The following AXDND1 variants were observed in gnomAD, a reference collection of about 807,000 sequenced individuals.
AXDND1 encodes the protein axonemal dynein light chain domain-containing protein 1.
In AXDND1, 110 loss-of-function variants were observed where a neutral mutation model predicts 137.5. The observed-to-expected ratio is 0.80, with a 90% CI of 0.69 to 0.94. The LOEUF (loss-of-function observed/expected upper bound fraction) is 0.94, where lower values mean the gene tolerates loss of function less well. Among genes scored for constraint, AXDND1 ranks in the 40% least tolerant of loss-of-function variants. The probability of loss-of-function intolerance (pLI) is 0.00; values close to 1 mark genes in which losing one functional copy is unlikely to be tolerated. For synonymous variants in AXDND1, 414 were observed against 399.7 expected (o/e 1.04, Z -0.43); for missense variants, 1,191 against 1,169.8 (o/e 1.02, Z -0.26).
chr1:179,515,939 A>G (rs1438162573), intron 21 of AXDND1, among the ~76,000 whole-genome samples: 2 of 152,114 alleles, frequency 1.3e-5, no homozygotes, highest in Non-Finnish European at 1.5e-5. Flanking sequence ...ACAGATACAA[A>G]CCATTGTGTT....
chr1:179,378,659 G>C lies in AXDND1; in HGVS notation c.397G>C (p.Val133Leu). The change falls in exon 5 of 26, where the codon GTA becomes CTA. Residue 133 changes from valine (V) to leucine (L), a missense_variant. Val to Leu is a conservative substitution (Grantham distance 32). Coordinates refer to ENST00000367618, the MANE Select transcript of AXDND1 (RefSeq NM_144696.6). ...AGRDISFLYD[V>L]TYAKGQTREK... ...TAGGGATATTTCTTTTCTGTACGAT[G>C]TAACATATGCCAAAGGACAGACTAG... 6.3e-7 allele frequency: 1 copy of C among 1,589,618 alleles called. No individual in the cohort carries two copies. Among genetic ancestry groups the C allele is most frequent in the Non-Finnish European group, 8.6e-7 (1 of 1,166,548 alleles).
At chr1:179,417,429 A>G (rs145829309) in intron 12 of AXDND1, among the ~76,000 whole-genome samples, 1,533 of 152,254 alleles carry the variant, frequency 0.01, 18 homozygotes, top group Non-Finnish European at 0.018. Context: ...GCCCAAACCA[A>G]TGTCCTAGAG....
chr1:179,389,130 T>C (rs1175640280), intron 9 of AXDND1, among the ~76,000 whole-genome samples: 1 of 151,962 alleles, frequency 6.6e-6, no homozygotes, highest in East Asian at 1.9e-4. Context: ...TGCGCCACCA[T>C]GCCTGGCTAA....
chr1:179,414,516 CT>C (rs774383233), intron 12 of AXDND1, among the ~76,000 whole-genome samples: 4 of 152,084 alleles, frequency 2.6e-5, no homozygotes, highest in Non-Finnish European at 5.9e-5. Context: ...GCTCCGCCCC[CT>C]GGGGTTCACG....
At chr1:179,424,136 TGTTC>T (rs1322572933) in intron 12 of AXDND1, among the ~76,000 whole-genome samples, 9 of 137,388 alleles carry the variant, frequency 6.6e-5, no homozygotes, top group Admixed American at 6.4e-4. Context: ...AGCAGGGTTT[TGTTC>T]GTTTGTTTGT....
chr1:179,488,014 A>AAAAAAAAG lies in AXDND1; in HGVS notation c.2092-3523_2092-3522insAAAAAAGA, dbSNP rs1320560418. The stretch of plus-strand genomic sequence containing the variant: ...ATGTCTCAAAAAAAAAAAAAAAAAA[A>AAAAAAAAG]AGAGAAATTTCAATTCCGTCAATCA... On this transcript the variant is annotated intron_variant, in intron 18 of 25. Coordinates refer to ENST00000367618, the MANE Select transcript of AXDND1 (RefSeq NM_144696.6). Among the ~76,000 whole-genome samples, 43 of 130,214 alleles carry AAAAAAAAG rather than the reference A, an allele frequency of 3.3e-4. 1 individual carries two copies. Among genetic ancestry groups the AAAAAAAAG allele is most frequent in the Admixed American group, 4.6e-4 (6 of 13,022 alleles). 85.4% of individuals were successfully genotyped at this position (130,214 alleles called of 152,430 possible).
intron 18 of AXDND1, among the ~76,000 whole-genome samples, chr1:179,489,362 T>G (rs1666580656): frequency 6.6e-6 from 1 of 152,222 alleles, no homozygotes; most frequent in African/African-American, 2.4e-5. Context: ...ACTTTTAAAT[T>G]AAGATAATAA....
chr1:179,483,304 T>G (rs1665651484), intron 18 of AXDND1, 83 bp downstream of exon 18: 1 of 876,302 alleles, frequency 1.1e-6, no homozygotes, highest in East Asian at 2.8e-5. Flanking sequence ...TCTCCCTATT[T>G]AAATGAAGCA....
At chr1:179,447,598 A>G in intron 16 of AXDND1, 3 of 1,115,092 alleles carry the variant, frequency 2.7e-6, no homozygotes, top group Non-Finnish European at 3.8e-6. Flanking sequence ...TCAACTTACT[A>G]GTGGAGGTGT....
chr1:179,379,511 T>TG (rs141815555), intron 6 of AXDND1, 29 bp downstream of exon 6: 474,924 of 1,606,856 alleles, frequency 0.3, 72,817 homozygotes, highest in Non-Finnish European at 0.31. Flanking sequence ...AAAAAATACC[T>TG]GCCCCAGCTC....
Position 179,400,514 on chromosome 1 carries a change from C to A in AXDND1, c.1109+5312C>A, listed in dbSNP as rs541494178. Among the ~76,000 whole-genome samples, 9 of 151,524 alleles carry A rather than the reference C, an allele frequency of 5.9e-5. No individual in the cohort carries two copies. The South Asian group carries it at 1.5e-3, about 25-fold the overall frequency. On this transcript the variant is annotated intron_variant, in intron 11 of 25. Coordinates refer to ENST00000367618, the MANE Select transcript of AXDND1 (RefSeq NM_144696.6). ...GGGTGCTCCAAAATCTCACAAATCA[C>A]CACTAAAGAACTTACTCATGTAATC... is the stretch of plus-strand genomic sequence containing the variant.
intron 20 of AXDND1, among the ~76,000 whole-genome samples, chr1:179,508,456 A>G (rs12216996): frequency 0.13 from 19,134 of 152,130 alleles, 1,373 homozygotes; most frequent in African/African-American, 0.16. Context: ...GGCTAGAGTG[A>G]CCAGATCTCT....
chr1:179,504,624 TGAG>T (rs997732127), intron 20 of AXDND1, among the ~76,000 whole-genome samples: 8 of 152,184 alleles, frequency 5.3e-5, no homozygotes, highest in African/African-American at 1.9e-4. Context: ...ATTATCCAGA[TGAG>T]GAGATTTTGT....
chr1:179,413,091 A>G (rs999670964), intron 12 of AXDND1, among the ~76,000 whole-genome samples: 4 of 152,108 alleles, frequency 2.6e-5, no homozygotes, highest in African/African-American at 9.7e-5. Flanking sequence ...TAACACCTTT[A>G]TTGAAGTACA....
chr1:179,422,915 C>T (rs569745049), intron 12 of AXDND1, among the ~76,000 whole-genome samples: 2 of 152,230 alleles, frequency 1.3e-5, no homozygotes, highest in African/African-American at 4.8e-5. Context: ...AGGTACCTGC[C>T]ACCATGCCTG....
chr1:179,396,866 A>C (rs577577106), intron 11 of AXDND1, among the ~76,000 whole-genome samples: 1 of 152,290 alleles, frequency 6.6e-6, no homozygotes, highest in South Asian at 2.1e-4. Context: ...TATTTTGAGC[A>C]TATGGGTGTC....
In AXDND1 at chr1:179,534,835, G is replaced by C. The variant is rs753956138; in HGVS notation, c.2904G>C (p.Met968Ile). 1.2e-5 allele frequency: 19 copies of C among 1,610,522 alleles called. 1 individual carries two copies. The South Asian group carries it at 2.1e-4, about 18-fold the overall frequency. Residue 968 changes from methionine (M) to isoleucine (I), a missense_variant, in exon 25 of 26, where the codon ATG (methionine) becomes ATC (isoleucine). Physicochemically the swap from Met to Ile is conservative, Grantham distance 10. Coordinates refer to ENST00000367618, the MANE Select transcript of AXDND1 (RefSeq NM_144696.6). ...IKNKDLEELVMTSRKESKEEK... is the reference protein window; with the variant it reads ...IKNKDLEELVITSRKESKEEK... ...ATAAAGATCTAGAGGAATTAGTCAT[G>C]ACATCAAGAAAGGAGTCTAAAGAAG...
chr1:179,463,954 T>G (rs1485443901), intron 16 of AXDND1, among the ~76,000 whole-genome samples: 1 of 152,036 alleles, frequency 6.6e-6, no homozygotes, highest in African/African-American at 2.4e-5. Context: ...CTGCTGTTTT[T>G]TTTCCCATTT....
chr1:179,469,965 A>G (rs1329943664), intron 17 of AXDND1, among the ~76,000 whole-genome samples: 1 of 152,298 alleles, frequency 6.6e-6, no homozygotes, highest in East Asian at 1.9e-4. Flanking sequence ...GCTCTCTTAC[A>G]TTAAGGTCTC....
Sources: allele counts gnomAD v4.1 joint callset (sites outside exome capture counted in the v4.1 genomes callset), GRCh38; gene constraint gnomAD v4.1.1; transcripts MANE v1.5; gene names NCBI Gene and HGNC (gene_info 2026-07-23, HGNC 2026-07-21).